Variants in NAT10 observed in about 807,000 individuals in gnomAD.
NAT10 encodes N-acetyltransferase 10.
NAT10 carries 109 observed loss-of-function variants against 132.2 expected under a neutral mutation model. The observed-to-expected ratio is 0.82, with a 90% CI of 0.71 to 0.97. The LOEUF is 0.97. Ranked by LOEUF, NAT10 falls within the 50% of genes least tolerant of loss-of-function variation. The pLI is 0.00. For missense variants in NAT10, 1,184 were observed against 1,263.4 expected (o/e 0.94, Z 0.95); for synonymous variants, 479 against 478.0 (o/e 1.00, Z -0.03).
In NAT10 at chr11:34,140,509, G is replaced by T; in HGVS notation, c.2529G>T (p.Pro843=). The change falls in exon 24 of 29, where the codon CCG becomes CCT. Residue 843 remains proline, a synonymous_variant. Transcript: ENST00000257829. Reference sequence around the variant, plus strand: ...ATCACCTCATCATGGACATGATCCCGGCCATCTCTCGCATCTATTTCCTGA... The same window carrying T: ...ATCACCTCATCATGGACATGATCCCTGCCATCTCTCGCATCTATTTCCTGA... The part of the protein sequence containing the change: ...VDYHLIMDMI[P]AISRIYFLNQ... 6.2e-7 allele frequency: 1 copy of T among 1,614,154 alleles called. No homozygotes were observed. Among genetic ancestry groups the T allele is most frequent in the Non-Finnish European group, 8.5e-7 (1 of 1,180,032 alleles).
chr11:34,110,559 C>CCT (rs1253094704), intron 3 of NAT10, among the ~76,000 whole-genome samples: 4 of 101,740 alleles, frequency 3.9e-5, no homozygotes, highest in African/African-American at 1.8e-4. Context: ...TTTTCTTTCC[C>CCT]TTTTTTTTTT....
In NAT10 at chr11:34,141,716, T is replaced by C. The variant is rs767358474; in HGVS notation, c.2713-3T>C. On this transcript the variant is annotated splice_region_variant and splice_polypyrimidine_tract_variant and intron_variant, in intron 25 of 28. Transcript: ENST00000257829. ...CTGCTTCTCTGTTGGTTGTCTTTTGTAGCTATTTAATGAAGTTCAGGAAAA... is the reference window on the plus strand; with the variant it reads ...CTGCTTCTCTGTTGGTTGTCTTTTGCAGCTATTTAATGAAGTTCAGGAAAA... The C allele has an allele frequency of 1.2e-6, 2 of 1,613,988 alleles. No homozygotes were observed. Among genetic ancestry groups the C allele is most frequent in the East Asian group, 4.5e-5 (2 of 44,884 alleles).
intron 8 of NAT10, among the ~76,000 whole-genome samples, chr11:34,120,435 A>G (rs182238371): frequency 1.3e-5 from 2 of 152,052 alleles, no homozygotes; most frequent in East Asian, 3.9e-4. Context: ...CCTTCCATCT[A>G]CCTTGGCCTG....
intron 3 of NAT10, among the ~76,000 whole-genome samples, chr11:34,110,560 T>C (rs868051870): frequency 7.8e-5 from 7 of 89,858 alleles, no homozygotes; most frequent in African/African-American, 4.3e-4. Flanking sequence ...TTTCTTTCCC[T>C]TTTTTTTTTT....
chr11:34,135,411 C>A, intron 19 of NAT10, 120 bp downstream of exon 19: 1 of 738,036 alleles, frequency 1.4e-6, no homozygotes, highest in Non-Finnish European at 2.4e-6. Context: ...TTTTCTTCTG[C>A]TGCTTTCTCC....
At chr11:34,140,303 G>A in intron 23 of NAT10, 97 bp from the exon 24 acceptor site, 1 of 1,171,564 alleles carries the variant, frequency 8.5e-7, no homozygotes, top group South Asian at 1.5e-5. Context: ...GGCCCTGTTA[G>A]ATGCTCCTGT....
intron 12 of NAT10, 64 bp downstream of exon 12, chr11:34,127,663 A>G: frequency 1.3e-6 from 2 of 1,546,376 alleles, no homozygotes; most frequent in Admixed American, 3.7e-5. Flanking sequence ...AGGGGCATGT[A>G]GTGGATGTGG....
chr11:34,118,270 G>A lies in NAT10; in HGVS notation c.648G>A (p.Met216Ile). 1.2e-6 allele frequency: 2 copies of A among 1,614,152 alleles called. No individual in the cohort carries two copies. The highest frequency in any genetic ancestry group is 2.2e-5 in the South Asian group (2 of 91,084). The change falls in exon 7 of 29, where the codon ATG becomes ATA. Residue 216 changes from methionine to isoleucine, a missense_variant. Transcript: ENST00000257829. ...ILPISSHVATMEALPPQTPDE... is the reference protein window; with the variant it reads ...ILPISSHVATIEALPPQTPDE... Reference sequence around the variant, plus strand: ...CCATCTCCTCCCACGTTGCCACCATGGAGGCCCTGCCTCCCCAGACTCCGG... The same window carrying A: ...CCATCTCCTCCCACGTTGCCACCATAGAGGCCCTGCCTCCCCAGACTCCGG...
chr11:34,127,711 C>CT, intron 12 of NAT10, 112 bp downstream of exon 12: 3 of 1,364,672 alleles, frequency 2.2e-6, no homozygotes, highest in South Asian at 1.4e-5. Context: ...CTCAGAGTCT[C>CT]TGAGTGTTTG....
intron 5 of NAT10, among the ~76,000 whole-genome samples, chr11:34,115,104 T>C (rs1287458303): frequency 6.6e-6 from 1 of 152,158 alleles, no homozygotes; most frequent in Non-Finnish European, 1.5e-5. Context: ...TGCGGTGAGC[T>C]GAGGTCACGC....
chr11:34,123,975 G>A (rs972643574), intron 10 of NAT10, 120 bp downstream of exon 10: 1 of 727,232 alleles, frequency 1.4e-6, no homozygotes, highest in Non-Finnish European at 2.3e-6. Context: ...TTGGAGACCA[G>A]CCTGACCAAC....
In NAT10 at chr11:34,141,773, G is replaced by A. The variant is rs868309392; in HGVS notation, c.2767G>A (p.Asp923Asn). 3.7e-6 allele frequency: 6 copies of A among 1,614,066 alleles called. No individual in the cohort carries two copies. The South Asian group carries it at 6.6e-5, about 18-fold the overall frequency. Residue 923 changes from aspartate to asparagine, a missense_variant, in exon 26 of 29, where the codon GAT becomes AAT. Physicochemically the swap from Asp to Asn is conservative, Grantham distance 23. Coordinates refer to ENST00000257829, the MANE Select transcript of NAT10 (RefSeq NM_024662.3). ...AIEEQMVAAK[D>N]VVMEPTMKTL... ...TGAGGAGCAGATGGTGGCAGCGAAG[G>A]ATGTGGTCATGGAGCCCACGATGAA...
At chr11:34,141,675 G>A (rs1852334145) in intron 25 of NAT10, 44 bp from the exon 26 acceptor site, 2 of 1,585,116 alleles carry the variant, frequency 1.3e-6, no homozygotes, top group African/African-American at 1.3e-5. Flanking sequence ...CTGGGTCCCT[G>A]CTGCTCCTTC....
At chr11:34,120,577 T>G (rs529359149) in intron 8 of NAT10, among the ~76,000 whole-genome samples, 2 of 152,292 alleles carry the variant, frequency 1.3e-5, no homozygotes, top group Non-Finnish European at 2.9e-5. Flanking sequence ...GTTTGGCCCC[T>G]AAGTAGTTAG....
chr11:34,116,737 G>A (rs987967599), intron 6 of NAT10, among the ~76,000 whole-genome samples: 2 of 152,134 alleles, frequency 1.3e-5, no homozygotes, highest in African/African-American at 4.8e-5. Flanking sequence ...CGGGATTACA[G>A]GAGCCCACCA....
intron 3 of NAT10, 125 bp downstream of exon 3, chr11:34,108,958 A>G (rs1199025280): frequency 4.2e-6 from 3 of 715,826 alleles, no homozygotes; most frequent in East Asian, 2.9e-5. Flanking sequence ...CTGAGGACAA[A>G]TGGAGCTGAT....
intron 27 of NAT10, among the ~76,000 whole-genome samples, chr11:34,143,126 T>C (rs1484114252): frequency 1.3e-5 from 2 of 152,244 alleles, no homozygotes; most frequent in East Asian, 3.9e-4. Flanking sequence ...GAAGCTTCTT[T>C]GGTGGATGTT....
At chr11:34,120,333 A>T (rs1037295840) in intron 8 of NAT10, among the ~76,000 whole-genome samples, 1 of 152,190 alleles carries the variant, frequency 6.6e-6, no homozygotes, top group African/African-American at 2.4e-5. Context: ...AAATGATAAA[A>T]TACAGCCTTC....
rs373863933 is a variant in NAT10 at position 34,143,528 on chromosome 11, G to A, written c.2969G>A (p.Ser990Asn). ...GPNASIISLK[S>N]DKKRKLEAKQ... Reference sequence around the variant, plus strand: ...AACGCCTCGATCATCAGCCTGAAAAGGTGAGGGCCCAGGGTCTGATGTGCA... The same window carrying A: ...AACGCCTCGATCATCAGCCTGAAAAAGTGAGGGCCCAGGGTCTGATGTGCA... The change falls in exon 28 of 29, where the codon AGT becomes AAT. Residue 990 changes from serine (S) to asparagine (N), a missense_variant and splice_region_variant. Ser to Asn is a conservative substitution (Grantham distance 46, BLOSUM62 1). Coordinates refer to ENST00000257829, the MANE Select transcript of NAT10 (RefSeq NM_024662.3). The A allele has an allele frequency of 4.8e-5, 77 of 1,613,584 alleles. No homozygotes were observed. Among genetic ancestry groups the A allele is most frequent in the Non-Finnish European group, 6.2e-5 (73 of 1,179,854 alleles).
Sources: allele counts gnomAD v4.1 joint callset (sites outside exome capture counted in the v4.1 genomes callset), GRCh38; gene constraint gnomAD v4.1.1; transcripts MANE v1.5; gene names NCBI Gene and HGNC (gene_info 2026-07-23, HGNC 2026-07-21).